Variants in INPP5A observed in about 807,000 individuals in gnomAD.
The protein encoded by INPP5A is 43 kDa inositol polyphosphate 5-phophatase.
INPP5A carries 14 observed loss-of-function variants against 65.2 expected under a neutral mutation model. That is an observed-to-expected ratio of 0.21 (90% CI 0.14 to 0.34). INPP5A has a LOEUF of 0.34. INPP5A is among the 10% of genes least tolerant of loss of function. The probability of loss-of-function intolerance (pLI) is 1.00; values close to 1 mark genes in which losing one functional copy is unlikely to be tolerated. For missense variants in INPP5A, 431 were observed against 545.6 expected, an observed-to-expected ratio of 0.79 and a Z score of 2.09; for synonymous variants, 207 against 208.3, an observed-to-expected ratio of 0.99 and a Z score of 0.05.
At chr10:132,721,412 G>T (rs1161631533) in intron 8 of INPP5A, among the ~76,000 whole-genome samples, 1 of 150,550 alleles carries the variant, frequency 6.6e-6, no homozygotes, top group Non-Finnish European at 1.5e-5. Context: ...TTCTGTCTGG[G>T]TGCCTTAGAC....
chr10:132,657,313 C>CT, intron 4 of INPP5A, among the ~76,000 whole-genome samples: 1 of 152,370 alleles, frequency 6.6e-6, no homozygotes, highest in African/African-American at 2.4e-5. Context: ...CATGAGTGAC[C>CT]TGCAAGCACT....
intron 13 of INPP5A, 43 bp downstream of exon 13, chr10:132,777,825 A>G (rs1401580679): frequency 1.3e-6 from 2 of 1,599,912 alleles, no homozygotes; most frequent in Admixed American, 1.7e-5. Flanking sequence ...AGGGATGTGG[A>G]GCGCTGGGTC....
At chr10:132,749,078 C>T (rs1220329745) in intron 9 of INPP5A, among the ~76,000 whole-genome samples, 3 of 152,270 alleles carry the variant, frequency 2.0e-5, no homozygotes, top group Admixed American at 1.3e-4. Context: ...CCCGGTCAAG[C>T]CGCCTGCAGC....
chr10:132,572,910 A>G (rs1007643568), intron 1 of INPP5A, among the ~76,000 whole-genome samples: 1 of 151,888 alleles, frequency 6.6e-6, no homozygotes, highest in Non-Finnish European at 1.5e-5. Context: ...AGCTCGGTTT[A>G]TTTCATACAC....
At chr10:132,769,038 C>T (rs897787169) in intron 12 of INPP5A, among the ~76,000 whole-genome samples, 6 of 152,206 alleles carry the variant, frequency 3.9e-5, no homozygotes, top group Admixed American at 6.5e-5. Flanking sequence ...CGCAGAGCTC[C>T]GGATACAGCC....
intron 4 of INPP5A, among the ~76,000 whole-genome samples, chr10:132,656,039 C>T (rs1564951697): frequency 1.3e-5 from 2 of 152,276 alleles, no homozygotes; most frequent in Non-Finnish European, 2.9e-5. Context: ...CAGCACTGAC[C>T]GTGGCCTCTC....
Position 132,538,538 on chromosome 10 carries a change from C to T in INPP5A, c.75+367C>T, listed in dbSNP as rs903885316. Among the ~76,000 whole-genome samples, 4 of 152,160 alleles carry T rather than the reference C, an allele frequency of 2.6e-5. No homozygotes were observed. Among genetic ancestry groups the T allele is most frequent in the African/African-American group, 4.8e-5 (2 of 41,432 alleles). ...GAACCCCTGTTAACAGTTCCTGGAA[C>T]CCAAACCCCAGAAACCGGGTCTGTG... is the stretch of plus-strand genomic sequence containing the variant. On this transcript the variant is annotated intron_variant, in intron 1 of 15. Transcript: ENST00000368594. The surrounding 1 kb of genome is among the most constrained non-coding windows in gnomAD (Gnocchi z 4.1).
intron 1 of INPP5A, among the ~76,000 whole-genome samples, chr10:132,543,612 C>G (rs1322912387): frequency 3.9e-5 from 6 of 152,216 alleles, no homozygotes; most frequent in African/African-American, 1.4e-4. Flanking sequence ...AAGATGAGGT[C>G]TCACTATGCT....
intron 4 of INPP5A, among the ~76,000 whole-genome samples, chr10:132,683,795 A>C (rs574727756): frequency 7.2e-4 from 110 of 152,238 alleles, no homozygotes; most frequent in African/African-American, 2.6e-3. Flanking sequence ...GCTCACTGCG[A>C]CCTCTGCCTC....
rs553467989 is a variant in INPP5A, at chr10:132,650,243, G to A, written c.219-175G>A. ...GCTCTGCACATGCTGAGAGCTGAAC[G>A]TGAGGCCAGCTCCTGCGGTGGCTGC... On this transcript the variant is annotated intron_variant, in intron 3 of 15. Transcript: ENST00000368594. This position sits in a 1 kb window ranked among gnomAD's most constrained non-coding sequence, Gnocchi z 5.5. 7.2e-5 allele frequency among the ~76,000 whole-genome samples: 11 copies of A among 152,328 alleles called. No individual in the cohort carries two copies. The highest frequency in any genetic ancestry group is 2.1e-4 in the South Asian group (1 of 4,830).
chr10:132,777,233 G>A (rs1037147850), intron 12 of INPP5A, among the ~76,000 whole-genome samples: 3 of 152,242 alleles, frequency 2.0e-5, no homozygotes, highest in African/African-American at 4.8e-5. Flanking sequence ...CGGAGACCAC[G>A]TGTGCCACAC....
intron 1 of INPP5A, among the ~76,000 whole-genome samples, chr10:132,542,268 G>A (rs1349924436): frequency 6.6e-6 from 1 of 152,226 alleles, no homozygotes; most frequent in Admixed American, 6.5e-5. Flanking sequence ...GCCCAGACCC[G>A]GGTTTGCAGA....
At chr10:132,648,338 G>A (rs559522398) in intron 3 of INPP5A, among the ~76,000 whole-genome samples, 3 of 152,388 alleles carry the variant, frequency 2.0e-5, no homozygotes, top group African/African-American at 7.2e-5. Flanking sequence ...CCGCGATGCC[G>A]TGTGTGTTTC....
At chr10:132,632,201 G>C (rs1345382770) in intron 2 of INPP5A, among the ~76,000 whole-genome samples, 3 of 152,254 alleles carry the variant, frequency 2.0e-5, no homozygotes, top group Non-Finnish European at 4.4e-5. Flanking sequence ...CCAGCAATAT[G>C]TTTTGTTGAA....
chr10:132,749,379 C>A, intron 9 of INPP5A, 138 bp from the exon 10 acceptor site: 1 of 712,358 alleles, frequency 1.4e-6, no homozygotes. Flanking sequence ...CCCCTGACCC[C>A]AGGTGCGGAA....
chr10:132,677,198 C>T (rs2072978270), intron 4 of INPP5A, among the ~76,000 whole-genome samples: 3 of 152,242 alleles, frequency 2.0e-5, no homozygotes, highest in South Asian at 4.1e-4. Context: ...CTCTGCAGGT[C>T]CATGGCTGGA....
chr10:132,699,126 G>C (rs1311911689), intron 6 of INPP5A, among the ~76,000 whole-genome samples: 1 of 152,234 alleles, frequency 6.6e-6, no homozygotes, highest in Non-Finnish European at 1.5e-5. Context: ...ACGCACAGTA[G>C]TTGCGTCCCT....
intron 2 of INPP5A, among the ~76,000 whole-genome samples, chr10:132,628,465 G>GC (rs1467243180): frequency 3.6e-5 from 2 of 56,200 alleles, no homozygotes; most frequent in African/African-American, 1.7e-4. Flanking sequence ...TCTGGTGGCG[G>GC]GGGGGGGGGG....
intron 1 of INPP5A, among the ~76,000 whole-genome samples, chr10:132,553,283 C>T (rs2071078719): frequency 8.1e-6 from 1 of 123,518 alleles, no homozygotes; most frequent in Non-Finnish European, 1.7e-5. Context: ...TTCTCAGAGC[C>T]TTGGTGGAAT....
Sources: gnomAD v4.1 joint callset for allele counts (sites outside exome capture counted in the v4.1 genomes callset) on GRCh38, gnomAD v4.1.1 for gene constraint, Gnocchi (gnomAD v3.1) non-coding constraint, MANE v1.5 for transcripts, NCBI Gene and HGNC (gene_info 2026-07-23, HGNC 2026-07-21) for gene names.